Variants in SGMS2 observed in about 807,000 individuals in gnomAD.
SGMS2 encodes the protein sphingomyelin synthase 2, also known as phosphatidylcholine:ceramide cholinephosphotransferase 2.
SGMS2 carries 21 observed loss-of-function variants against 43.8 expected under a neutral mutation model. The observed-to-expected ratio is 0.48, with a 90% CI of 0.34 to 0.69. The LOEUF is 0.69. SGMS2 is among the 30% of genes least tolerant of loss of function. The pLI, the probability that SGMS2 is intolerant of heterozygous loss-of-function variation, is 0.01. For synonymous variants in SGMS2, 167 were observed against 160.6 expected, an observed-to-expected ratio of 1.04 and a Z score of -0.30; for missense variants, 384 against 443.2, an observed-to-expected ratio of 0.87 and a Z score of 1.20.
chr4:107,870,205 A>T (rs150598703), intron 2 of SGMS2, among the ~76,000 whole-genome samples: 1,770 of 152,288 alleles, frequency 0.012, 20 homozygotes, highest in Non-Finnish European at 0.019. Context: ...TCCATTTAAA[A>T]ATTGTTGTGG....
At chr4:107,844,268 G>A (rs559070954) in intron 1 of SGMS2, among the ~76,000 whole-genome samples, 91 of 152,106 alleles carry the variant, frequency 6.0e-4, no homozygotes, top group Non-Finnish European at 6.2e-4. Flanking sequence ...AGGTTGCAGT[G>A]AGCTGAGATT....
At chr4:107,896,507 G>A (rs1007850309) in intron 3 of SGMS2, among the ~76,000 whole-genome samples, 4 of 152,134 alleles carry the variant, frequency 2.6e-5, no homozygotes, top group African/African-American at 9.7e-5. Context: ...TTACATTTCT[G>A]TGGGGCTGGG....
At chr4:107,897,686 A>T (rs978550416) in intron 3 of SGMS2, among the ~76,000 whole-genome samples, 4 of 152,204 alleles carry the variant, frequency 2.6e-5, no homozygotes, top group African/African-American at 9.6e-5. Flanking sequence ...ACACGGTCAC[A>T]TAGCCAGACC....
intron 1 of SGMS2, among the ~76,000 whole-genome samples, chr4:107,850,022 G>A (rs1443139859): frequency 1.3e-5 from 2 of 152,162 alleles, no homozygotes; most frequent in African/African-American, 4.8e-5. Context: ...GATCATGGTG[G>A]TTGATTTCTC....
intron 3 of SGMS2, 29 bp downstream of exon 3, chr4:107,896,037 G>A (rs757157624): frequency 4.4e-6 from 7 of 1,583,866 alleles, no homozygotes; most frequent in Non-Finnish European, 6.0e-6. Context: ...TTGAGGATTT[G>A]TCATGGGTTT....
intron 3 of SGMS2, 135 bp downstream of exon 3, chr4:107,896,143 A>G: frequency 1.3e-6 from 1 of 794,164 alleles, no homozygotes; most frequent in Non-Finnish European, 2.0e-6. Flanking sequence ...AGAAAACAGT[A>G]GAAAGCTCTA....
At chr4:107,875,902 G>A (rs548647723) in intron 2 of SGMS2, among the ~76,000 whole-genome samples, 36 of 152,118 alleles carry the variant, frequency 2.4e-4, no homozygotes, top group Non-Finnish European at 4.0e-4. Context: ...AATCCAGGTG[G>A]ACTGAAGCAT....
At chr4:107,866,084 G>T (rs1344231810) in intron 2 of SGMS2, among the ~76,000 whole-genome samples, 2 of 152,140 alleles carry the variant, frequency 1.3e-5, no homozygotes, top group African/African-American at 4.8e-5. Flanking sequence ...TTAGAACCTG[G>T]ATTTTAGGAT....
intron 4 of SGMS2, among the ~76,000 whole-genome samples, chr4:107,902,483 T>A (rs1376233852): frequency 6.6e-6 from 1 of 152,090 alleles, no homozygotes; most frequent in Non-Finnish European, 1.5e-5. Flanking sequence ...CCTTCCAGTA[T>A]GATTAAATTG....
intron 1 of SGMS2, among the ~76,000 whole-genome samples, chr4:107,839,266 C>T (rs769546535): frequency 1.3e-5 from 2 of 152,116 alleles, no homozygotes; most frequent in Non-Finnish European, 2.9e-5. Context: ...AGTTTGGGTT[C>T]TATTTGCCTG....
At chr4:107,891,876 C>T (rs1306267552) in intron 2 of SGMS2, among the ~76,000 whole-genome samples, 4 of 152,168 alleles carry the variant, frequency 2.6e-5, no homozygotes, top group South Asian at 2.1e-4. Flanking sequence ...GGAGCCTACA[C>T]GTTGAACATA....
intron 5 of SGMS2, among the ~76,000 whole-genome samples, chr4:107,903,689 G>A (rs77935802): frequency 2.6e-5 from 4 of 152,012 alleles, no homozygotes; most frequent in Non-Finnish European, 4.4e-5. Flanking sequence ...TACTTCTTAA[G>A]GTATGAAAAG....
chr4:107,827,666 A>G (rs1725670237), intron 1 of SGMS2, among the ~76,000 whole-genome samples: 1 of 152,194 alleles, frequency 6.6e-6, no homozygotes, highest in South Asian at 2.1e-4. Context: ...TGAAATCTGA[A>G]GGGTCAGCTC....
chr4:107,847,362 A>C (rs1417023689), intron 1 of SGMS2, among the ~76,000 whole-genome samples: 1 of 152,168 alleles, frequency 6.6e-6, no homozygotes, highest in Non-Finnish European at 1.5e-5. Context: ...ACCATTTATT[A>C]AATATGGAAT....
intron 1 of SGMS2, among the ~76,000 whole-genome samples, chr4:107,846,375 T>A (rs1338092627): frequency 1.3e-5 from 2 of 150,314 alleles, no homozygotes; most frequent in Non-Finnish European, 3.0e-5. Flanking sequence ...TGGTTTTTTG[T>A]CCTTGCGATA....
At chr4:107,844,664 C>G (rs187584050) in intron 1 of SGMS2, among the ~76,000 whole-genome samples, 2 of 152,192 alleles carry the variant, frequency 1.3e-5, no homozygotes, top group Non-Finnish European at 2.9e-5. Context: ...CGTGATTGCA[C>G]CACCGCTCTC....
chr4:107,872,147 A>G (rs1408573945), intron 2 of SGMS2, among the ~76,000 whole-genome samples: 1 of 152,162 alleles, frequency 6.6e-6, no homozygotes, highest in African/African-American at 2.4e-5. Flanking sequence ...GAGGGCATTT[A>G]CTGTAATTGG....
At chr4:107,871,326 T>G (rs1185770271) in intron 2 of SGMS2, among the ~76,000 whole-genome samples, 1 of 152,214 alleles carries the variant, frequency 6.6e-6, no homozygotes, top group Non-Finnish European at 1.5e-5. Flanking sequence ...CCATTTTATT[T>G]CTGTCATTTG....
intron 1 of SGMS2, among the ~76,000 whole-genome samples, chr4:107,835,059 T>C (rs1726095577): frequency 6.6e-6 from 1 of 151,994 alleles, no homozygotes; most frequent in Non-Finnish European, 1.5e-5. Flanking sequence ...ATTATAATAA[T>C]AGATGGGGTT....
Sources: gnomAD v4.1 joint callset for allele counts (sites outside exome capture counted in the v4.1 genomes callset) on GRCh38, gnomAD v4.1.1 for gene constraint, MANE v1.5 for transcripts, NCBI Gene and HGNC (gene_info 2026-07-23, HGNC 2026-07-21) for gene names.